KCNE1: variants seen among roughly 807,000 people sequenced by gnomAD.
The protein encoded by KCNE1 is potassium voltage-gated channel subfamily E member 1.
Under a neutral mutation model 2.9 loss-of-function variants are expected in KCNE1, and 1 was observed. The ratio of observed to expected loss-of-function variants is 0.34; its 90% CI spans 0.12 to 1.62. The LOEUF is 1.62. Among genes scored for constraint, KCNE1 ranks in the 40% most tolerant of loss-of-function variants. The probability of loss-of-function intolerance (pLI) is 0.36; values close to 1 mark genes in which losing one functional copy is unlikely to be tolerated. For synonymous variants in KCNE1, 23 were observed against 65.4 expected, an observed-to-expected ratio of 0.35 and a Z score of 3.13; for missense variants, 45 against 150.5, an observed-to-expected ratio of 0.30 and a Z score of 3.67.
chr21:34,506,598 A>T (rs529312622), intron 2 of KCNE1, among the ~76,000 whole-genome samples: 26 of 152,244 alleles, frequency 1.7e-4, no homozygotes, highest in Non-Finnish European at 2.5e-4. Context: ...TGCAGCTACA[A>T]AGAGTTAAAG....
chr21:34,504,242 A>G (rs1983340954), intron 2 of KCNE1, among the ~76,000 whole-genome samples: 2 of 152,170 alleles, frequency 1.3e-5, no homozygotes, highest in Admixed American at 6.5e-5. Context: ...AGGAGTTGGG[A>G]GAGTGAGAAG....
intron 2 of KCNE1, among the ~76,000 whole-genome samples, chr21:34,495,937 T>C (rs1027929866): frequency 3.3e-5 from 5 of 152,212 alleles, no homozygotes; most frequent in Non-Finnish European, 7.3e-5. Context: ...TTTAGTTTGT[T>C]CTTGTTTCTC....
In KCNE1 at chr21:34,511,253, C is replaced by A. The variant is rs1983827807; in HGVS notation, c.-314G>T. 2.1e-5 allele frequency: 21 copies of A among 985,566 alleles called. No individual in the cohort carries two copies. Among genetic ancestry groups the A allele is most frequent in the Non-Finnish European group, 2.4e-5 (20 of 830,018 alleles). 61.1% of individuals were successfully genotyped at this position (985,566 alleles called of 1,614,324 possible). Reference sequence around the variant, plus strand: ...CCTGAGCACGGTTCTCCTGGTTGAGCTCCAGGCCATGCCATTCAACGCCCT... The same window carrying A: ...CCTGAGCACGGTTCTCCTGGTTGAGATCCAGGCCATGCCATTCAACGCCCT... On this transcript the variant is annotated 5_prime_UTR_variant, in exon 2 of 4. Coordinates refer to ENST00000399286, the MANE Select transcript of KCNE1 (RefSeq NM_000219.6).
At position 34,449,332 on chromosome 21, in the gene KCNE1, C is replaced by A; in HGVS notation, c.303G>T (p.Glu101Asp). Residue 101 changes from glutamate to aspartate, a missense_variant, in exon 4 of 4, where the codon GAG becomes GAT. By Grantham distance (45) the Glu-to-Asp change is conservative. Coordinates refer to ENST00000399286, the MANE Select transcript of KCNE1 (RefSeq NM_000219.6). Reference protein sequence around the residue: ...DKAYVQARVLESYRSCYVVEN... With the variant: ...DKAYVQARVLDSYRSCYVVEN... Reference sequence around the variant, plus strand: ...CAACGACATAGCACGACCTGTAGCTCTCCAGGACCCGGGCCTGGACATAGG... The same window carrying A: ...CAACGACATAGCACGACCTGTAGCTATCCAGGACCCGGGCCTGGACATAGG... The A allele has an allele frequency of 6.4e-7, 1 of 1,562,918 alleles. No individual in the cohort carries two copies. The highest frequency in any genetic ancestry group is 8.8e-7 in the Non-Finnish European group (1 of 1,139,500).
intron 2 of KCNE1, among the ~76,000 whole-genome samples, chr21:34,506,957 C>T (rs1056933465): frequency 3.9e-5 from 6 of 152,282 alleles, no homozygotes; most frequent in East Asian, 3.9e-4. Context: ...GGTGAAGGCA[C>T]AGAGGTAGGG....
At chr21:34,510,321 C>T (rs1365780293) in intron 2 of KCNE1, 1 of 152,440 alleles carries the variant, frequency 6.6e-6, no homozygotes, top group South Asian at 2.1e-4. Context: ...CTCTTCACAC[C>T]CATGACACCC....
At chr21:34,499,194 A>T (rs1037231636) in intron 2 of KCNE1, among the ~76,000 whole-genome samples, 2 of 152,084 alleles carry the variant, frequency 1.3e-5, no homozygotes, top group African/African-American at 4.8e-5. Flanking sequence ...AATAGGCCTC[A>T]CCCAGCTCCC....
intron 2 of KCNE1, among the ~76,000 whole-genome samples, chr21:34,506,049 T>C (rs1008129373): frequency 6.6e-6 from 1 of 152,248 alleles, no homozygotes; most frequent in Non-Finnish European, 1.5e-5. Flanking sequence ...AGCGCTTGTA[T>C]GTTAAATGCT....
chr21:34,449,114 C>A lies in KCNE1; in HGVS notation c.*131G>T, dbSNP rs1980916574. The A allele has an allele frequency of 1.0e-5, 5 of 481,668 alleles. 2 individuals carry two copies. The highest frequency in any genetic ancestry group is 9.4e-5 in the Admixed American group (3 of 31,878). 29.8% of individuals were successfully genotyped at this position (481,668 alleles called of 1,614,324 possible). On this transcript the variant is annotated 3_prime_UTR_variant, in exon 4 of 4. Coordinates refer to ENST00000399286, the MANE Select transcript of KCNE1 (RefSeq NM_000219.6). ...GAAACAGTGAAACAGTGTCATTAAT[C>A]CACCCCTCACCCCTTACAACAGCCA...
At chr21:34,506,943 C>T (rs1464948122) in intron 2 of KCNE1, among the ~76,000 whole-genome samples, 4 of 152,118 alleles carry the variant, frequency 2.6e-5, no homozygotes, top group Admixed American at 6.5e-5. Context: ...AGGAAAGCAT[C>T]GAAGGTGAAG....
At chr21:34,496,414 T>G (rs1417167489) in intron 2 of KCNE1, among the ~76,000 whole-genome samples, 1 of 152,234 alleles carries the variant, frequency 6.6e-6, no homozygotes, top group South Asian at 2.1e-4. Context: ...ATTTCATGGT[T>G]GACCCAAAGG....
intron 2 of KCNE1, among the ~76,000 whole-genome samples, chr21:34,495,828 TC>T (rs1443294818): frequency 6.6e-6 from 1 of 152,014 alleles, no homozygotes; most frequent in East Asian, 1.9e-4. Context: ...CAAAGAATCA[TC>T]TTTTTTGTTT....
intron 1 of KCNE1, among the ~76,000 whole-genome samples, 156 bp downstream of exon 1, chr21:34,511,871 G>A (rs1211083192): frequency 1.3e-5 from 2 of 152,150 alleles, no homozygotes; most frequent in African/African-American, 4.8e-5. Flanking sequence ...AAGAAGTGAG[G>A]GGGGTTCAGA....
chr21:34,499,928 T>C (rs1352882724), intron 2 of KCNE1, among the ~76,000 whole-genome samples: 1 of 152,234 alleles, frequency 6.6e-6, no homozygotes, highest in Non-Finnish European at 1.5e-5. Context: ...AAGTGGGAGC[T>C]GAACAGTAGC....
At chr21:34,509,763 T>A (rs60136659) in intron 2 of KCNE1, 1,667 of 152,380 alleles carry the variant, frequency 0.011, 53 homozygotes, top group East Asian at 0.1. Context: ...GGCCCCTTTT[T>A]CAACTTTTAT....
chr21:34,497,901 T>C (rs1024536775), intron 2 of KCNE1, among the ~76,000 whole-genome samples: 1 of 152,118 alleles, frequency 6.6e-6, no homozygotes, highest in East Asian at 1.9e-4. Context: ...TTTTTGGTTT[T>C]TATCTGATTG....
In KCNE1 at chr21:34,511,134, T is replaced by A. The variant is rs1383449513; in HGVS notation, c.-195A>T. ...GTTTCTGAAGTCTCCTCAAGCACAC[T>A]GCGGTGTCCACACCATTGGCAGCAG... On this transcript the variant is annotated 5_prime_UTR_variant, in exon 2 of 4. Coordinates refer to ENST00000399286, the MANE Select transcript of KCNE1 (RefSeq NM_000219.6). The A allele has an allele frequency of 1.0e-6, 1 of 985,504 alleles. No individual in the cohort carries two copies. Among genetic ancestry groups the A allele is most frequent in the Non-Finnish European group, 1.2e-6 (1 of 830,056 alleles). 61.0% of individuals were successfully genotyped at this position (985,504 alleles called of 1,614,324 possible).
chr21:34,511,425 ATTCTCTCTCTCTTG>A (rs1983833309), intron 1 of KCNE1, 110 bp from the exon 2 acceptor site: 4 of 347,610 alleles, frequency 1.2e-5, no homozygotes, highest in South Asian at 2.3e-4. Flanking sequence ...TTATGAATGG[ATTCTCTCTCTCTTG>A]TTCTCTCTCT....
chr21:34,504,136 C>T (rs1244366978), intron 2 of KCNE1, among the ~76,000 whole-genome samples: 1 of 152,182 alleles, frequency 6.6e-6, no homozygotes, highest in East Asian at 1.9e-4. Context: ...GGGCACAGGG[C>T]CTTCGGAGGA....
Sources: gnomAD v4.1 joint callset for allele counts (sites outside exome capture counted in the v4.1 genomes callset) on GRCh38, gnomAD v4.1.1 for gene constraint, MANE v1.5 for transcripts, NCBI Gene and HGNC (gene_info 2026-07-23, HGNC 2026-07-21) for gene names.